Variants in DCT observed in about 807,000 individuals in gnomAD.
The protein encoded by DCT is L-dopachrome tautomerase.
A neutral mutation model predicts 53.0 loss-of-function variants in DCT; 47 were observed. The observed-to-expected ratio is 0.89, with a 90% CI of 0.70 to 1.13. DCT has a LOEUF of 1.13. DCT is among the 50% of genes most tolerant of loss of function. The pLI is 0.00. For synonymous variants in DCT, 244 were observed against 237.0 expected (o/e 1.03, Z -0.27); for missense variants, 669 against 637.4 (o/e 1.05, Z -0.53).
At chr13:94,546,086 G>A in the DCT span, among the ~76,000 whole-genome samples, 1 of 152,034 alleles carries the variant, frequency 6.6e-6, no homozygotes, top group Admixed American at 6.6e-5. The surrounding 1 kb of genome is among the most constrained non-coding windows in gnomAD (Gnocchi z 4.2). Flanking sequence ...TTACTAAAAA[G>A]GGCTTACAAT....
chr13:94,490,386 T>C, the DCT span, among the ~76,000 whole-genome samples: 1 of 151,358 alleles, frequency 6.6e-6, no homozygotes, highest in Non-Finnish European at 1.5e-5. Context: ...ATGCCCATAG[T>C]CCCAGCTACT....
intron 7 of DCT, 94 bp downstream of exon 7, chr13:94,443,342 A>G (rs1321675136): frequency 9.9e-7 from 1 of 1,011,730 alleles, no homozygotes; most frequent in East Asian, 2.4e-5. Flanking sequence ...AGCTTCGGCT[A>G]AAGGTCTTGG....
At chr13:94,499,137 G>T in the DCT span, among the ~76,000 whole-genome samples, 6 of 152,036 alleles carry the variant, frequency 3.9e-5, no homozygotes, top group African/African-American at 9.7e-5. Context: ...TCACTCTTTG[G>T]GTCCAAACCA....
intron 4 of DCT, among the ~76,000 whole-genome samples, chr13:94,463,471 G>T (rs1883952846): frequency 8.9e-6 from 1 of 112,424 alleles, no homozygotes; most frequent in African/African-American, 3.6e-5. Flanking sequence ...AGACAGAGCT[G>T]TCAGGCTGGT....
rs1555335408 is a variant in DCT at position 94,479,234 on chromosome 13, AC to A, written c.21del (p.Leu9CysfsTer22). On this transcript the variant is annotated frameshift_variant, in exon 1 of 8. Transcript: ENST00000377028. LOFTEE classifies it high-confidence loss of function. ...TTGCAGCCCAAGCAACTGAGCAGAA[AC>A]CCCCACCAAAGGGGGCTCATGGCTT... is the stretch of plus-strand genomic sequence containing the variant. MSPLWWGFLLSCLGCKI... is the reference protein window; with the variant it reads MSPLWWXFLLSCLGCKI... 10 of 1,587,308 alleles carry A rather than the reference AC, an allele frequency of 6.3e-6. No homozygotes were observed. Among genetic ancestry groups the A allele is most frequent in the Non-Finnish European group, 8.6e-6 (10 of 1,160,712 alleles).
chr13:94,452,139 T>C (rs1883137780), intron 6 of DCT, among the ~76,000 whole-genome samples: 1 of 152,114 alleles, frequency 6.6e-6, no homozygotes, highest in African/African-American at 2.4e-5. Flanking sequence ...TTCAAGTGAT[T>C]CTCCTGCCTC....
chr13:94,516,390 C>T, the DCT span, among the ~76,000 whole-genome samples: 1 of 152,116 alleles, frequency 6.6e-6, no homozygotes, highest in African/African-American at 2.4e-5. Context: ...GTGAAAGTCA[C>T]ATGGTTCAAG....
chr13:94,537,363 T>C, the DCT span, among the ~76,000 whole-genome samples: 1 of 152,252 alleles, frequency 6.6e-6, no homozygotes, highest in South Asian at 2.1e-4. Flanking sequence ...AGAATGCTGT[T>C]GTTGCTAAGA....
At chr13:94,508,370 G>A in the DCT span, among the ~76,000 whole-genome samples, 1 of 152,176 alleles carries the variant, frequency 6.6e-6, no homozygotes, top group South Asian at 2.1e-4. Context: ...CTGTGCTGGA[G>A]CAGTGACTGA....
upstream of DCT, among the ~76,000 whole-genome samples, chr13:94,484,655 T>C (rs1350435561): frequency 1.3e-5 from 2 of 152,168 alleles, no homozygotes; most frequent in African/African-American, 4.8e-5. Flanking sequence ...GCTTCCCTAT[T>C]GCTGCCCCAT....
chr13:94,534,300 G>A, the DCT span, among the ~76,000 whole-genome samples: 5 of 152,136 alleles, frequency 3.3e-5, no homozygotes, highest in Non-Finnish European at 5.9e-5. Context: ...CTCCTCAAAG[G>A]AAGAACTGCT....
At chr13:94,446,104 G>A (rs908418644) in intron 6 of DCT, among the ~76,000 whole-genome samples, 10 of 152,216 alleles carry the variant, frequency 6.6e-5, no homozygotes, top group Non-Finnish European at 1.0e-4. Flanking sequence ...CGGGGATAGT[G>A]ACGCAGCTTG....
intron 1 of DCT, among the ~76,000 whole-genome samples, chr13:94,477,625 TC>T (rs1247740869): frequency 6.7e-6 from 1 of 150,228 alleles, no homozygotes. Context: ...TGCACTTGTA[TC>T]CCCAGGATCT....
chr13:94,457,653 A>C (rs1366378824), intron 6 of DCT, among the ~76,000 whole-genome samples: 1 of 152,204 alleles, frequency 6.6e-6, no homozygotes, highest in Non-Finnish European at 1.5e-5. Flanking sequence ...TAAACTCAAA[A>C]TACTGGCAAA....
chr13:94,445,824 G>T, intron 6 of DCT: 2 of 1,201,806 alleles, frequency 1.7e-6, no homozygotes, highest in Non-Finnish European at 2.4e-6. Flanking sequence ...AGTGTGAGCT[G>T]AATTGGGACC....
At chr13:94,485,052 A>G in the DCT span, among the ~76,000 whole-genome samples, 30 of 148,286 alleles carry the variant, frequency 2.0e-4, no homozygotes, top group South Asian at 5.4e-3. Flanking sequence ...GATGAAAATG[A>G]CCGAATGTCA....
rs1254891578 is a variant in DCT, at chr13:94,438,035, G to A, written c.*1863C>T. ...TTGCTTTATGAAATTATTCGTAATA[G>A]TTCACTTATAAAAAGTAACTTCTGG... is the stretch of plus-strand genomic sequence containing the variant. On this transcript the variant is annotated 3_prime_UTR_variant, in exon 8 of 8. Coordinates refer to ENST00000377028, the MANE Select transcript of DCT (RefSeq NM_001922.5). 2 of 152,132 alleles carry A rather than the reference G, an allele frequency of 1.3e-5. No individual in the cohort carries two copies. Among genetic ancestry groups the A allele is most frequent in the African/African-American group, 2.4e-5 (1 of 41,416 alleles). 9.4% of individuals were successfully genotyped at this position (152,132 alleles called of 1,614,324 possible). A position where few individuals can be genotyped will look rare whatever the true frequency, so the allele number is the denominator to read the frequency against.
At chr13:94,474,244 C>G (rs1024190222) in intron 1 of DCT, among the ~76,000 whole-genome samples, 1 of 126,406 alleles carries the variant, frequency 7.9e-6, no homozygotes, top group African/African-American at 3.4e-5. Flanking sequence ...TTACAAAGGA[C>G]TATGATAAAA....
the DCT span, among the ~76,000 whole-genome samples, chr13:94,496,737 T>C: frequency 1.3e-5 from 2 of 152,294 alleles, no homozygotes; most frequent in East Asian, 1.9e-4. Flanking sequence ...CTAACCTGCA[T>C]GTTCACCATG....
Sources: gnomAD v4.1 joint callset for allele counts (sites outside exome capture counted in the v4.1 genomes callset) on GRCh38, gnomAD v4.1.1 for gene constraint, Gnocchi (gnomAD v3.1) non-coding constraint, MANE v1.5 for transcripts, NCBI Gene and HGNC (gene_info 2026-07-23, HGNC 2026-07-21) for gene names.